The following KHDRBS3 variants were observed in gnomAD, a reference collection of about 807,000 sequenced individuals.
KHDRBS3 encodes KH RNA binding domain containing, signal transduction associated 3.
Under a neutral mutation model 45.6 loss-of-function variants are expected in KHDRBS3, and 23 were observed. The ratio of observed to expected loss-of-function variants is 0.50; its 90% CI spans 0.36 to 0.72. The LOEUF (loss-of-function observed/expected upper bound fraction) is 0.72, where lower values mean the gene tolerates loss of function less well. Ranked by LOEUF, KHDRBS3 falls within the 30% of genes least tolerant of loss-of-function variation. KHDRBS3 has a pLI of 0.00. For synonymous variants in KHDRBS3, 162 were observed against 156.5 expected (o/e 1.04, Z -0.26); for missense variants, 352 against 424.8 (o/e 0.83, Z 1.51).
chr8:135,559,460 C>T (rs1292221778), intron 5 of KHDRBS3, among the ~76,000 whole-genome samples: 5 of 152,200 alleles, frequency 3.3e-5, no homozygotes, highest in Non-Finnish European at 7.3e-5. Flanking sequence ...TCAAATAATT[C>T]TCCTGCCTCA....
intron 7 of KHDRBS3, among the ~76,000 whole-genome samples, chr8:135,616,111 T>A (rs1421353668): frequency 6.6e-6 from 1 of 152,246 alleles, no homozygotes; most frequent in Middle Eastern, 3.2e-3. Context: ...AAGTGTGAGT[T>A]ACTATGTATC....
At chr8:135,644,959 C>G in intron 7 of KHDRBS3, 100 bp from the exon 8 acceptor site, 1 of 1,215,800 alleles carries the variant, frequency 8.2e-7, no homozygotes, top group Non-Finnish European at 1.2e-6. Context: ...TCAGTCTTGC[C>G]CTTCATTAGT....
chr8:135,627,051 T>G (rs1305891009), intron 7 of KHDRBS3, among the ~76,000 whole-genome samples: 1 of 152,196 alleles, frequency 6.6e-6, no homozygotes, highest in Non-Finnish European at 1.5e-5. Context: ...ACAGGGATAC[T>G]CACACGCCTT....
chr8:135,583,716 A>G (rs1177260592), intron 6 of KHDRBS3, among the ~76,000 whole-genome samples: 2 of 152,184 alleles, frequency 1.3e-5, no homozygotes, highest in Non-Finnish European at 2.9e-5. Context: ...ACATGTATTC[A>G]TCTTTCCATT....
At chr8:135,606,040 G>A (rs1041737182) in intron 6 of KHDRBS3, among the ~76,000 whole-genome samples, 1 of 151,854 alleles carries the variant, frequency 6.6e-6, no homozygotes, top group Non-Finnish European at 1.5e-5. Flanking sequence ...TCTATTTCTT[G>A]TGCATTGCTA....
chr8:135,507,872 C>T lies in KHDRBS3; in HGVS notation c.89-13365C>T, dbSNP rs77464174. ...GATTTTTCATCAGTGTCTTAATTTT[C>T]TATCATGAGTAAATCTAAGTGACAG... is the stretch of plus-strand genomic sequence containing the variant. On this transcript the variant is annotated intron_variant, in intron 1 of 8. Transcript: ENST00000355849. Among the ~76,000 whole-genome samples the T allele has an allele frequency of 6.6e-5, 10 of 152,228 alleles. No individual in the cohort carries two copies. In the East Asian group the frequency reaches 1.9e-3, roughly 29 times the overall value.
chr8:135,556,579 T>C (rs1826898616), intron 4 of KHDRBS3, among the ~76,000 whole-genome samples: 2 of 152,226 alleles, frequency 1.3e-5, no homozygotes, highest in African/African-American at 2.4e-5. Flanking sequence ...TTGATGGGGT[T>C]GTTTGCTTTC....
intron 2 of KHDRBS3, among the ~76,000 whole-genome samples, chr8:135,536,479 G>C (rs1444973481): frequency 6.6e-6 from 1 of 152,150 alleles, no homozygotes; most frequent in South Asian, 2.1e-4. Flanking sequence ...ACTCAGGTTC[G>C]CAGGACAGTC....
chr8:135,608,547 C>T (rs1829569439), intron 7 of KHDRBS3, among the ~76,000 whole-genome samples: 1 of 152,136 alleles, frequency 6.6e-6, no homozygotes, highest in African/African-American at 2.4e-5. Context: ...TGCTTGTGAC[C>T]GAACAGCTGA....
At position 135,626,620 on chromosome 8, in the gene KHDRBS3, G is replaced by C. The variant is rs996946058; in HGVS notation, c.891-18439G>C. On this transcript the variant is annotated intron_variant, in intron 7 of 8. Coordinates refer to ENST00000355849, the MANE Select transcript of KHDRBS3 (RefSeq NM_006558.3). ...AGATCGAGACCATCTTGGCTAACAC[G>C]GTGAAACCCCGTTTCTACTAAAAAA... 2.0e-5 allele frequency among the ~76,000 whole-genome samples: 3 copies of C among 152,186 alleles called. No individual in the cohort carries two copies. The South Asian group carries it at 6.2e-4, about 32-fold the overall frequency.
chr8:135,643,622 G>A (rs931948155), intron 7 of KHDRBS3, among the ~76,000 whole-genome samples: 2 of 152,218 alleles, frequency 1.3e-5, no homozygotes, highest in Admixed American at 6.5e-5. Context: ...CATAGGAATG[G>A]CCATGCTGTG....
At chr8:135,536,596 A>G (rs1006390508) in intron 2 of KHDRBS3, among the ~76,000 whole-genome samples, 1 of 152,176 alleles carries the variant, frequency 6.6e-6, no homozygotes, top group Non-Finnish European at 1.5e-5. Context: ...AGGACTCTAC[A>G]GTGGTCCAGG....
At chr8:135,471,335 C>A (rs934107483) in intron 1 of KHDRBS3, among the ~76,000 whole-genome samples, 1 of 152,172 alleles carries the variant, frequency 6.6e-6, no homozygotes, top group East Asian at 1.9e-4. Context: ...GGGGGAAACA[C>A]CCCTAAGACT....
At chr8:135,640,775 G>A (rs1831027462) in intron 7 of KHDRBS3, among the ~76,000 whole-genome samples, 1 of 152,088 alleles carries the variant, frequency 6.6e-6, no homozygotes, top group African/African-American at 2.4e-5. Flanking sequence ...GAAGTATTTG[G>A]CCTAATGTGT....
chr8:135,625,508 G>A (rs1830319175), intron 7 of KHDRBS3: 2 of 804,748 alleles, frequency 2.5e-6, no homozygotes, highest in Non-Finnish European at 4.4e-6. Context: ...CCTCAGGGGA[G>A]CTGCACTGCT....
At chr8:135,529,415 C>T (rs1401252120) in intron 2 of KHDRBS3, among the ~76,000 whole-genome samples, 1 of 152,156 alleles carries the variant, frequency 6.6e-6, no homozygotes, top group Non-Finnish European at 1.5e-5. Context: ...AAAATCTTAA[C>T]GTTTGCTCTC....
chr8:135,469,354 G>C (rs1048462612), intron 1 of KHDRBS3, among the ~76,000 whole-genome samples: 9 of 152,054 alleles, frequency 5.9e-5, no homozygotes, highest in Admixed American at 5.9e-4. Flanking sequence ...GCGCGATCTC[G>C]GCTCACTGCA....
At chr8:135,636,587 G>C (rs1314930897) in intron 7 of KHDRBS3, among the ~76,000 whole-genome samples, 1 of 152,222 alleles carries the variant, frequency 6.6e-6, no homozygotes, top group Non-Finnish European at 1.5e-5. Context: ...AAACTAAGAT[G>C]CAGTAACACT....
Position 135,582,043 on chromosome 8 carries a change from A to T in KHDRBS3, c.777A>T (p.Pro259=). The T allele has an allele frequency of 6.3e-7, 1 of 1,585,236 alleles. No homozygotes were observed. The highest frequency in any genetic ancestry group is 8.6e-7 in the Non-Finnish European group (1 of 1,162,864). The change falls in exon 6 of 9, where the codon CCA becomes CCT. Residue 259 remains proline (P), a synonymous_variant. Transcript: ENST00000355849. ...CAACTGGGTACAGACCTCCACCGCC[A>T]CCCCCGACACAAGAGACTTATGGAG... The part of the protein sequence containing the change: ...VPPTGYRPPP[P]PPTQETYGEY...
Sources: gnomAD v4.1 joint callset for allele counts (sites outside exome capture counted in the v4.1 genomes callset) on GRCh38, gnomAD v4.1.1 for gene constraint, MANE v1.5 for transcripts, NCBI Gene and HGNC (gene_info 2026-07-23, HGNC 2026-07-21) for gene names.